FXR1: variants seen among roughly 807,000 people sequenced by gnomAD.
FXR1 encodes the protein FMR1 autosomal homolog 1, also known as RNA-binding protein FXR1.
FXR1 carries 15 observed loss-of-function variants against 84.0 expected under a neutral mutation model. The observed-to-expected ratio is 0.18, with a 90% CI of 0.12 to 0.27. The LOEUF (loss-of-function observed/expected upper bound fraction) is 0.27. Ranked by LOEUF, FXR1 falls within the 10% of genes least tolerant of loss-of-function variation. The probability of loss-of-function intolerance (pLI) is 1.00; values close to 1 mark genes in which losing one functional copy is unlikely to be tolerated. For missense variants in FXR1, 480 were observed against 774.4 expected, an observed-to-expected ratio of 0.62 and a Z score of 4.51; for synonymous variants, 245 against 250.7, an observed-to-expected ratio of 0.98 and a Z score of 0.21.
In FXR1 at chr3:180,949,100, G is replaced by C. The variant is rs1721967118; in HGVS notation, c.514-127G>C. 6 of 721,708 alleles carry C rather than the reference G, an allele frequency of 8.3e-6. No individual in the cohort carries two copies. In the Admixed American group the frequency reaches 1.1e-4, roughly 14 times the overall value. The allele number at this position is 721,708 out of a possible 1,614,324, so 44.7% of individuals were successfully genotyped here. ...AAGGAAAGTGTGATTACTCAGAGTAGTGAGTGTTAGGTGAAAGAAGTGTAG... is the reference window on the plus strand; with the variant it reads ...AAGGAAAGTGTGATTACTCAGAGTACTGAGTGTTAGGTGAAAGAAGTGTAG... On this transcript the variant is annotated intron_variant, in intron 6 of 16. Coordinates refer to ENST00000357559, the MANE Select transcript of FXR1 (RefSeq NM_005087.4).
At position 180,978,711 on chromosome 3, in the gene FXR1, A is replaced by C. The variant is rs1714448373; in HGVS notation, c.*2419A>C. The C allele has an allele frequency of 6.6e-6, 1 of 152,080 alleles. No homozygotes were observed. The highest frequency in any genetic ancestry group is 1.5e-5 in the Non-Finnish European group (1 of 67,988). The allele number at this position is 152,080 out of a possible 1,614,324, so 9.4% of individuals were successfully genotyped here. A position where few individuals can be genotyped will look rare whatever the true frequency, so the allele number is the denominator to read the frequency against. On this transcript the variant is annotated 3_prime_UTR_variant, in exon 17 of 17. Transcript: ENST00000357559. ...ACTGAGACCCTCTTTAAAGAGAAGG[A>C]AAAAAAGGTATTCTGGAAGATCTTG...
intron 3 of FXR1, among the ~76,000 whole-genome samples, chr3:180,944,330 T>G (rs931624523): frequency 6.6e-6 from 1 of 151,984 alleles, no homozygotes; most frequent in Non-Finnish European, 1.5e-5. Flanking sequence ...TTGGACCTTT[T>G]TTTTTTTTGA....
chr3:180,962,054 G>C (rs1208454249), intron 11 of FXR1, among the ~76,000 whole-genome samples: 1 of 152,126 alleles, frequency 6.6e-6, no homozygotes, highest in African/African-American at 2.4e-5. Flanking sequence ...TAGTCTATTT[G>C]AGTTGATACA....
intron 1 of FXR1, among the ~76,000 whole-genome samples, chr3:180,928,973 A>G (rs1719565581): frequency 6.6e-6 from 1 of 151,472 alleles, no homozygotes; most frequent in South Asian, 2.1e-4. Context: ...CCTAGGCTGG[A>G]GTGCAATGCG....
intron 1 of FXR1, among the ~76,000 whole-genome samples, chr3:180,929,291 C>T (rs1189606785): frequency 2.0e-5 from 3 of 151,678 alleles, no homozygotes; most frequent in Non-Finnish European, 2.9e-5. Context: ...TTTTTTTTTC[C>T]GCCTATCCAT....
chr3:180,940,508 AAC>A (rs1720997897), intron 3 of FXR1, among the ~76,000 whole-genome samples: 1 of 152,134 alleles, frequency 6.6e-6, no homozygotes, highest in South Asian at 2.1e-4. Context: ...ATATATAAGC[AAC>A]ACACATAGAC....
chr3:180,972,394 C>T (rs9820169), intron 15 of FXR1, among the ~76,000 whole-genome samples: 4,742 of 152,128 alleles, frequency 0.031, 250 homozygotes, highest in African/African-American at 0.11. Flanking sequence ...AGGTCGAGGC[C>T]GCAGTGAAGG....
intron 3 of FXR1, among the ~76,000 whole-genome samples, chr3:180,946,282 G>C (rs533791169): frequency 8.5e-5 from 13 of 152,118 alleles, no homozygotes; most frequent in Non-Finnish European, 1.8e-4. Context: ...TCATTCCTCT[G>C]TTCCATTTTA....
chr3:180,916,449 A>G (rs1334209966), intron 1 of FXR1, among the ~76,000 whole-genome samples: 1 of 152,156 alleles, frequency 6.6e-6, no homozygotes, highest in Non-Finnish European at 1.5e-5. Context: ...GTGGGAGCAC[A>G]GTGGTGGGAG....
rs1259745283 is a variant in FXR1, at chr3:180,976,167, A to T, written c.1741A>T (p.Asn581Tyr). 3 of 1,613,272 alleles carry T rather than the reference A, an allele frequency of 1.9e-6. No homozygotes were observed. In the East Asian group the frequency reaches 6.7e-5, roughly 36 times the overall value. The change falls in exon 17 of 17, where the codon AAC (asparagine) becomes TAC (tyrosine). Residue 581 changes from asparagine (N) to tyrosine (Y), a missense_variant. Coordinates refer to ENST00000357559, the MANE Select transcript of FXR1 (RefSeq NM_005087.4). ...EEHGPSEKAI[N>Y]GPTSASGDDI... is the part of the protein sequence containing the mutation. ...GCATGGTCCTTCAGAAAAGGCAATA[A>T]ACGGCCCAACTAGTGCTTCTGGCGA...
intron 13 of FXR1, among the ~76,000 whole-genome samples, chr3:180,965,647 C>T (rs902211867): frequency 2.0e-5 from 3 of 152,164 alleles, no homozygotes; most frequent in Non-Finnish European, 2.9e-5. Context: ...AGTTTGGACC[C>T]ACCTGGATAA....
intron 1 of FXR1, chr3:180,914,934 A>T (rs1717698559): frequency 1.0e-6 from 1 of 984,994 alleles, no homozygotes; most frequent in South Asian, 4.7e-5. Flanking sequence ...GAACTCTGGA[A>T]GAATGAGAAT....
intron 7 of FXR1, 147 bp downstream of exon 7, chr3:180,949,490 G>A (rs1334647903): frequency 1.5e-5 from 10 of 645,196 alleles, no homozygotes; most frequent in Admixed American, 7.0e-5. Context: ...GGATTCAAGC[G>A]GTTCTCCTGC....
intron 10 of FXR1, 137 bp from the exon 11 acceptor site, chr3:180,961,331 C>T (rs1384785649): frequency 2.6e-5 from 13 of 501,128 alleles, no homozygotes; most frequent in South Asian, 4.7e-5. Flanking sequence ...CAGAGCAAGA[C>T]GTCATCTCAA....
At chr3:180,943,405 G>GGCGC (rs1340365482) in intron 3 of FXR1, among the ~76,000 whole-genome samples, 1 of 150,292 alleles carries the variant, frequency 6.7e-6, no homozygotes, top group Non-Finnish European at 1.5e-5. Flanking sequence ...TGGGATTACG[G>GGCGC]GCGCCCGCCC....
intron 15 of FXR1, chr3:180,970,663 A>G (rs1034235788): frequency 2.6e-5 from 4 of 152,758 alleles, no homozygotes; most frequent in African/African-American, 7.2e-5. Context: ...ATTGTCCCCA[A>G]GCTAAAATCA....
chr3:180,967,445 T>G (rs1312995445), intron 13 of FXR1, among the ~76,000 whole-genome samples: 1 of 152,134 alleles, frequency 6.6e-6, no homozygotes, highest in Non-Finnish European at 1.5e-5. Flanking sequence ...TATGATTAAT[T>G]TACTCAAATA....
chr3:180,919,631 T>C (rs1052071560), intron 1 of FXR1, among the ~76,000 whole-genome samples: 2 of 151,684 alleles, frequency 1.3e-5, no homozygotes, highest in South Asian at 4.2e-4. Context: ...TTAGGTATAT[T>C]AGGTTAAATA....
chr3:180,971,812 C>T (rs1050964577), intron 15 of FXR1: 1 of 152,566 alleles, frequency 6.6e-6, no homozygotes, highest in Non-Finnish European at 1.5e-5. Context: ...TTATTTTGAA[C>T]ATAATTCCAT....
Sources: gnomAD v4.1 joint callset for allele counts (sites outside exome capture counted in the v4.1 genomes callset) on GRCh38, gnomAD v4.1.1 for gene constraint, MANE v1.5 for transcripts, NCBI Gene and HGNC (gene_info 2026-07-23, HGNC 2026-07-21) for gene names.